Variants in FERMT2 observed in about 807,000 individuals in gnomAD.
FERMT2 encodes the protein fermitin family homolog 2.
A neutral mutation model predicts 82.7 loss-of-function variants in FERMT2; 15 were observed. The ratio of observed to expected loss-of-function variants is 0.18; its 90% confidence interval spans 0.12 to 0.28. FERMT2 has a LOEUF of 0.28. Among genes scored for constraint, FERMT2 ranks in the 10% least tolerant of loss-of-function variants. The pLI is 1.00. For missense variants in FERMT2, 645 were observed against 809.4 expected (o/e 0.80, Z 2.46); for synonymous variants, 274 against 271.5 (o/e 1.01, Z -0.09).
intron 2 of FERMT2, among the ~76,000 whole-genome samples, chr14:52,934,318 GTTTA>G (rs1022329960): frequency 3.3e-5 from 5 of 152,160 alleles, no homozygotes; most frequent in African/African-American, 4.8e-5. Context: ...CAAAACTAGT[GTTTA>G]TTTAGTGTAC....
At chr14:52,891,734 G>A (rs1051156559) in intron 4 of FERMT2, among the ~76,000 whole-genome samples, 4 of 152,150 alleles carry the variant, frequency 2.6e-5, no homozygotes, top group African/African-American at 9.7e-5. Flanking sequence ...TTAGATATTT[G>A]CTGAGGGGAC....
chr14:52,893,204 C>T, intron 4 of FERMT2, 89 bp downstream of exon 4: 1 of 1,243,286 alleles, frequency 8.0e-7, no homozygotes. Flanking sequence ...TCTTCCTGAC[C>T]TACATGATCC....
intron 2 of FERMT2, among the ~76,000 whole-genome samples, chr14:52,921,109 T>G (rs537647025): frequency 6.6e-6 from 1 of 152,086 alleles, no homozygotes; most frequent in Admixed American, 6.6e-5. Flanking sequence ...CACACACACA[T>G]AACTAGTCTA....
chr14:52,864,607 G>A lies in FERMT2; in HGVS notation c.1396C>T (p.His466Tyr), dbSNP rs1885159009. ...LRCDNEKQYA[H>Y]WMAACRLASK... ...GCTAATCTGCAGGCTGCCATCCAGT[G>A]TGCATACTGTTTTTCCTGGAGAAAA... The change falls in exon 12 of 15, where the codon CAC (histidine) becomes TAC (tyrosine). Residue 466 changes from histidine to tyrosine, a missense_variant. Transcript: ENST00000341590. 6.2e-7 allele frequency: 1 copy of A among 1,613,964 alleles called. No individual in the cohort carries two copies. Among genetic ancestry groups the A allele is most frequent in the Non-Finnish European group, 8.5e-7 (1 of 1,179,832 alleles).
intron 2 of FERMT2, among the ~76,000 whole-genome samples, chr14:52,939,212 A>T (rs1213885549): frequency 6.7e-6 from 1 of 150,266 alleles, no homozygotes; most frequent in African/African-American, 2.4e-5. Context: ...AAAAAAAAAA[A>T]AAATACAACA....
intron 10 of FERMT2, among the ~76,000 whole-genome samples, chr14:52,870,248 CT>C (rs1185198814): frequency 2.4e-3 from 328 of 138,774 alleles, no homozygotes; most frequent in Middle Eastern, 7.7e-3. Flanking sequence ...TACAAGTGTA[CT>C]TTTTTTTTTT....
chr14:52,875,141 C>T, intron 8 of FERMT2, 82 bp downstream of exon 8: 1 of 1,217,776 alleles, frequency 8.2e-7, no homozygotes, highest in Non-Finnish European at 1.2e-6. Flanking sequence ...CCACCACCCC[C>T]AAATACTTTG....
In FERMT2 at chr14:52,896,039, C is replaced by T. The variant is rs532265865; in HGVS notation, c.392-2612G>A. 3.0e-3 allele frequency among the ~76,000 whole-genome samples: 453 copies of T among 152,256 alleles called. 4 individuals carry two copies. The highest frequency in any genetic ancestry group is 0.01 in the African/African-American group (422 of 41,542). On this transcript the variant is annotated intron_variant, in intron 3 of 14. Transcript: ENST00000341590. Reference sequence around the variant, plus strand: ...AAAGTGATGGGATTATAGGCGTGAGCCACTGCACTTATTTTTAAAATGTAT... The same window carrying T: ...AAAGTGATGGGATTATAGGCGTGAGTCACTGCACTTATTTTTAAAATGTAT...
chr14:52,929,447 C>CT lies in FERMT2; in HGVS notation c.158-10092dup, dbSNP rs1278616446. On this transcript the variant is annotated intron_variant, in intron 2 of 14. Transcript: ENST00000341590. ...TTCCCCTGCTGAAAATCCTTTGCAA[C>CT]TGCTTCTAACTGCACTTAAATAAAA... 5.9e-5 allele frequency among the ~76,000 whole-genome samples: 9 copies of CT among 152,298 alleles called. No individual in the cohort carries two copies. The East Asian group carries it at 1.7e-3, about 29-fold the overall frequency.
intron 10 of FERMT2, chr14:52,871,659 A>C (rs952526045): frequency 6.6e-6 from 1 of 152,266 alleles, no homozygotes; most frequent in Non-Finnish European, 1.5e-5. Flanking sequence ...ACTGAAATAG[A>C]AAATTAAGCT....
rs1298503617 is a variant in FERMT2, at chr14:52,861,055, A to G, written c.1603-590T>C. 4.0e-6 allele frequency: 6 copies of G among 1,506,164 alleles called. No homozygotes were observed. In the African/African-American group the frequency reaches 5.7e-5, roughly 14 times the overall value. 93.3% of individuals were successfully genotyped at this position (1,506,164 alleles called of 1,614,324 possible). A position where few individuals can be genotyped will look rare whatever the true frequency, so the allele number is the denominator to read the frequency against. Reference sequence around the variant, plus strand: ...CCTGGCTGTAGATGGCAATGCGAGGAAAGAAAAAGGAAGCAGAAAGAAAAA... The same window carrying G: ...CCTGGCTGTAGATGGCAATGCGAGGGAAGAAAAAGGAAGCAGAAAGAAAAA... On this transcript the variant is annotated intron_variant, in intron 12 of 14. Transcript: ENST00000341590.
chr14:52,908,385 T>C (rs560835039), intron 3 of FERMT2, among the ~76,000 whole-genome samples: 4 of 152,312 alleles, frequency 2.6e-5, no homozygotes, highest in Admixed American at 6.5e-5. Context: ...TGAATGGTCA[T>C]AGAAGCTTTT....
intron 4 of FERMT2, among the ~76,000 whole-genome samples, chr14:52,882,798 A>T (rs74768665): frequency 6.7e-6 from 1 of 149,368 alleles, no homozygotes; most frequent in Non-Finnish European, 1.5e-5. Context: ...AAGCAAAGTT[A>T]AAAAAAAAAA....
rs529204854 is a variant in FERMT2, at chr14:52,884,818, T to C, written c.527-3349A>G. On this transcript the variant is annotated intron_variant, in intron 4 of 14. Transcript: ENST00000341590. The stretch of plus-strand genomic sequence containing the variant: ...GAGTTCAAGACCAGCCTGGCCAACA[T>C]GGTGAAACTCTGTCTCCACTAAAAA... Among the ~76,000 whole-genome samples, 64 of 151,418 alleles carry C rather than the reference T, an allele frequency of 4.2e-4. 1 individual carries two copies. The highest frequency in any genetic ancestry group is 3.8e-3 in the South Asian group (18 of 4,794).
At position 52,942,993 on chromosome 14, in the gene FERMT2, G is replaced by A. The variant is rs189829239; in HGVS notation, c.157+7419C>T. Among the ~76,000 whole-genome samples, 34 of 152,060 alleles carry A rather than the reference G, an allele frequency of 2.2e-4. No individual in the cohort carries two copies. In the East Asian group the frequency reaches 4.5e-3, roughly 20 times the overall value. ...CTTGGGAGGCCGAGGTGGGCGGATC[G>A]CCTAAGGTCAGGAGTTCAAGACCAG... is the stretch of plus-strand genomic sequence containing the variant. On this transcript the variant is annotated intron_variant, in intron 2 of 14. Coordinates refer to ENST00000341590, the MANE Select transcript of FERMT2 (RefSeq NM_006832.3).
chr14:52,904,167 G>T (rs558176139), intron 3 of FERMT2, among the ~76,000 whole-genome samples: 1 of 152,056 alleles, frequency 6.6e-6, no homozygotes, highest in African/African-American at 2.4e-5. Flanking sequence ...GATCACCTGC[G>T]GTCAGGAGTT....
chr14:52,880,557 C>G (rs749284696), intron 6 of FERMT2, among the ~76,000 whole-genome samples: 1 of 152,072 alleles, frequency 6.6e-6, no homozygotes, highest in Admixed American at 6.6e-5. Flanking sequence ...TGCCACCATG[C>G]GTGGCTAGTT....
chr14:52,932,534 T>C lies in FERMT2; in HGVS notation c.158-13178A>G, dbSNP rs1595013321. ...ATAACTACTTGAAGAATGCATATAC[T>C]AATATGCAAAATTAAACAGACTTTG... is the stretch of plus-strand genomic sequence containing the variant. On this transcript the variant is annotated intron_variant, in intron 2 of 14. Transcript: ENST00000341590. Among the ~76,000 whole-genome samples the C allele has an allele frequency of 3.9e-5, 6 of 152,318 alleles. No homozygotes were observed. In the East Asian group the frequency reaches 1.2e-3, roughly 29 times the overall value.
At chr14:52,918,521 T>C (rs1888758673) in intron 3 of FERMT2, among the ~76,000 whole-genome samples, 1 of 152,228 alleles carries the variant, frequency 6.6e-6, no homozygotes, top group African/African-American at 2.4e-5. Flanking sequence ...TAACCAAGAA[T>C]TTCTCAAATA....
Sources: gnomAD v4.1 joint callset for allele counts (sites outside exome capture counted in the v4.1 genomes callset) on GRCh38, gnomAD v4.1.1 for gene constraint, MANE v1.5 for transcripts, NCBI Gene and HGNC (gene_info 2026-07-23, HGNC 2026-07-21) for gene names.